Variants in AGTRAP observed in about 807,000 individuals in gnomAD.
AGTRAP encodes type-1 angiotensin II receptor-associated protein.
AGTRAP carries 7 observed loss-of-function variants against 15.2 expected under a neutral mutation model. The ratio of observed to expected loss-of-function variants is 0.46; its 90% CI spans 0.26 to 0.87. The LOEUF is 0.87. Ranked by LOEUF, AGTRAP falls within the 40% of genes least tolerant of loss-of-function variation. The pLI is 0.15. For synonymous variants in AGTRAP, 74 were observed against 89.6 expected (o/e 0.83, Z 0.98); for missense variants, 187 against 213.4 (o/e 0.88, Z 0.77).
chr1:11,738,540 G>A (rs1243174052), intron 1 of AGTRAP, among the ~76,000 whole-genome samples: 3 of 152,092 alleles, frequency 2.0e-5, no homozygotes, highest in African/African-American at 4.8e-5. Context: ...GGGATGGAGG[G>A]CTGAATTCCT....
At chr1:11,742,518 TTTC>T (rs755156854) in intron 1 of AGTRAP, among the ~76,000 whole-genome samples, 8 of 151,902 alleles carry the variant, frequency 5.3e-5, no homozygotes, top group Non-Finnish European at 1.2e-4. Flanking sequence ...TCTCTCTTTC[TTTC>T]TTTTCTTTCT....
chr1:11,747,763 C>G (rs1570347073), intron 3 of AGTRAP, among the ~76,000 whole-genome samples: 1 of 152,238 alleles, frequency 6.6e-6, no homozygotes, highest in African/African-American at 2.4e-5. Flanking sequence ...TAGAGAACCC[C>G]AAGTCTGCCA....
chr1:11,739,797 G>A (rs1485275132), intron 1 of AGTRAP, among the ~76,000 whole-genome samples: 1 of 152,178 alleles, frequency 6.6e-6, no homozygotes, highest in Non-Finnish European at 1.5e-5. Flanking sequence ...CCCCACATAG[G>A]TATTTAACAG....
chr1:11,747,622 C>G (rs944901638), intron 3 of AGTRAP, 77 bp downstream of exon 3: 4 of 1,437,090 alleles, frequency 2.8e-6, no homozygotes, highest in African/African-American at 1.4e-5. Flanking sequence ...TCTGCTACCC[C>G]GTCCCATCCC....
At position 11,736,156 on chromosome 1, in the gene AGTRAP, G is replaced by T. The variant is rs1021405147; in HGVS notation, c.-53G>T. 2 of 1,574,912 alleles carry T rather than the reference G, an allele frequency of 1.3e-6. No individual in the cohort carries two copies. The highest frequency in any genetic ancestry group is 1.7e-6 in the Non-Finnish European group (2 of 1,160,776). On this transcript the variant is annotated 5_prime_UTR_variant, in exon 1 of 5. Transcript: ENST00000314340. Reference sequence around the variant, plus strand: ...CGGGCAAGTTTGTTCCCCGAGTTCGGAGCCTAGGAGCCCCCCGCGGCTGCG... The same window carrying T: ...CGGGCAAGTTTGTTCCCCGAGTTCGTAGCCTAGGAGCCCCCCGCGGCTGCG...
At position 11,747,466 on chromosome 1, in the gene AGTRAP, A is replaced by G. The variant is rs772533948; in HGVS notation, c.89A>G (p.Tyr30Cys). 5.6e-6 allele frequency: 9 copies of G among 1,614,158 alleles called. No individual in the cohort carries two copies. The highest frequency in any genetic ancestry group is 1.7e-5 in the Admixed American group (1 of 60,034). Residue 30 changes from tyrosine (Y) to cysteine (C), a missense_variant, in exon 3 of 5, where the codon TAT (tyrosine) becomes TGT (cysteine). By Grantham distance (194) the Tyr-to-Cys change is radical. Coordinates refer to ENST00000314340, the MANE Select transcript of AGTRAP (RefSeq NM_020350.5). ...TWGCIVFSGS[Y>C]AWANFTILAL... ...GGCTGCATTGTATTCTCAGGCTCCT[A>G]TGCCTGGGCCAACTTCACCATCCTG...
At chr1:11,749,744 C>T (rs1642267345) in intron 4 of AGTRAP, among the ~76,000 whole-genome samples, 1 of 152,214 alleles carries the variant, frequency 6.6e-6, no homozygotes, top group South Asian at 2.1e-4. Context: ...GGGCCAGGAG[C>T]CTGGCTTTGG....
chr1:11,743,895 A>G (rs1229846908), intron 1 of AGTRAP, among the ~76,000 whole-genome samples: 1 of 152,050 alleles, frequency 6.6e-6, no homozygotes, highest in African/African-American at 2.4e-5. Context: ...TGTGCTTTCC[A>G]GTCAGGGCCT....
In AGTRAP at chr1:11,748,942, G is replaced by A. The variant is rs1642244512; in HGVS notation, c.364+332G>A. On this transcript the variant is annotated intron_variant, in intron 4 of 4. Transcript: ENST00000314340. The stretch of plus-strand genomic sequence containing the variant: ...GCCCTGGGCTGTCTCCATCCTGAGG[G>A]CCACGGGCACCTACAGGTCTCCTCT... Among the ~76,000 whole-genome samples, 3 of 152,154 alleles carry A rather than the reference G, an allele frequency of 2.0e-5. No individual in the cohort carries two copies. The South Asian group carries it at 6.2e-4, about 32-fold the overall frequency.
rs542871917 is a variant in AGTRAP at position 11,741,280 on chromosome 1, A to T, written c.28-4523A>T. ...CTCCCAGCCTCCCTGCTGTTCAATCAGGTGCCCTTTCCCTTGCTTTCCTTC... is the reference window on the plus strand; with the variant it reads ...CTCCCAGCCTCCCTGCTGTTCAATCTGGTGCCCTTTCCCTTGCTTTCCTTC... On this transcript the variant is annotated intron_variant, in intron 1 of 4. Coordinates refer to ENST00000314340, the MANE Select transcript of AGTRAP (RefSeq NM_020350.5). Among the ~76,000 whole-genome samples, 122 of 151,910 alleles carry T rather than the reference A, an allele frequency of 8.0e-4. 1 individual carries two copies. Among genetic ancestry groups the T allele is most frequent in the African/African-American group, 2.9e-3 (120 of 41,382 alleles).
At chr1:11,746,290 C>G in intron 2 of AGTRAP, 2 of 1,326,012 alleles carry the variant, frequency 1.5e-6, no homozygotes, top group South Asian at 1.3e-5. Flanking sequence ...ATACAGATTT[C>G]TTAGTCACAC....
Position 11,745,953 on chromosome 1 carries a change from G to C in AGTRAP, c.62+116G>C, listed in dbSNP as rs753601812. ...AGGTCACTTTGGGCCAGACAGCTCT[G>C]CCTCTCCGGGTCTTGATTTCCGTCT... is the stretch of plus-strand genomic sequence containing the variant. On this transcript the variant is annotated intron_variant, in intron 2 of 4. Coordinates refer to ENST00000314340, the MANE Select transcript of AGTRAP (RefSeq NM_020350.5). The surrounding 1 kb of genome is among the most constrained non-coding windows in gnomAD (Gnocchi z 4.2). 5.5e-5 allele frequency: 78 copies of C among 1,420,254 alleles called. No individual in the cohort carries two copies. The highest frequency in any genetic ancestry group is 4.9e-5 in the Non-Finnish European group (49 of 1,004,994). 88.0% of individuals were successfully genotyped at this position (1,420,254 alleles called of 1,614,324 possible).
rs562850963 is a variant in AGTRAP at position 11,748,681 on chromosome 1, T to A, written c.364+71T>A. ...CCTTGCCTGGCCTCCAGCCTCTCCC[T>A]CAGTGAGCCAGCCTTGCCCCATGGG... On this transcript the variant is annotated intron_variant, in intron 4 of 4. Coordinates refer to ENST00000314340, the MANE Select transcript of AGTRAP (RefSeq NM_020350.5). The A allele has an allele frequency of 5.2e-6, 8 of 1,529,804 alleles. No individual in the cohort carries two copies. In the African/African-American group the frequency reaches 6.8e-5, roughly 13 times the overall value. 94.8% of individuals were successfully genotyped at this position (1,529,804 alleles called of 1,614,324 possible). A position where few individuals can be genotyped will look rare whatever the true frequency, so the allele number is the denominator to read the frequency against.
At chr1:11,749,810 G>A (rs945047169) in intron 4 of AGTRAP, among the ~76,000 whole-genome samples, 4 of 151,930 alleles carry the variant, frequency 2.6e-5, no homozygotes, top group African/African-American at 7.3e-5. Context: ...GTGTGATCTC[G>A]GGCAAGTCAC....
Position 11,748,585 on chromosome 1 carries a change from C to CG in AGTRAP, c.344dup (p.Glu116Ter). The CG allele has an allele frequency of 1.2e-6, 2 of 1,609,116 alleles. No individual in the cohort carries two copies. Among genetic ancestry groups the CG allele is most frequent in the Non-Finnish European group, 1.7e-6 (2 of 1,179,958 alleles). On this transcript the variant is annotated frameshift_variant, in exon 4 of 5. Transcript: ENST00000314340. LOFTEE classifies it low-confidence loss of function (END_TRUNC). ...TCGTCTACCACATGTACCGGGAGCG[C>CG]GGGGGTGAGCTCCTGGTCCACACTG... is the stretch of plus-strand genomic sequence containing the variant.
At chr1:11,739,934 A>G (rs1641988627) in intron 1 of AGTRAP, among the ~76,000 whole-genome samples, 1 of 152,196 alleles carries the variant, frequency 6.6e-6, no homozygotes, top group Non-Finnish European at 1.5e-5. Flanking sequence ...TGGCGCCTGG[A>G]CCAGCACCCA....
Position 11,747,452 on chromosome 1 carries a change from A to G in AGTRAP, c.75A>G (p.Val25=). The change falls in exon 3 of 5, where the codon GTA becomes GTG. Residue 25 remains valine, a synonymous_variant. Coordinates refer to ENST00000314340, the MANE Select transcript of AGTRAP (RefSeq NM_020350.5). ...CCTCTTCCTACAGGGGCTGCATTGT[A>G]TTCTCAGGCTCCTATGCCTGGGCCA... The part of the protein sequence containing the change: ...HWLLTTWGCI[V]FSGSYAWANF... 1 of 1,614,070 alleles carries G rather than the reference A, an allele frequency of 6.2e-7. No homozygotes were observed. The highest frequency in any genetic ancestry group is 8.5e-7 in the Non-Finnish European group (1 of 1,179,924).
chr1:11,750,234 G>C lies in AGTRAP; in HGVS notation c.*42G>C. 3.3e-6 allele frequency: 5 copies of C among 1,514,872 alleles called. No individual in the cohort carries two copies. Among genetic ancestry groups the C allele is most frequent in the East Asian group, 4.5e-5 (2 of 44,096 alleles). The allele number at this position is 1,514,872 out of a possible 1,614,324, so 93.8% of individuals were successfully genotyped here. The stretch of plus-strand genomic sequence containing the variant: ...CCCGGCCCTGCCCCGGGCCTTCCTC[G>C]TGCCTGGGAGGTCGTTCTAGGGATG... On this transcript the variant is annotated 3_prime_UTR_variant, in exon 5 of 5. Coordinates refer to ENST00000314340, the MANE Select transcript of AGTRAP (RefSeq NM_020350.5).
intron 4 of AGTRAP, among the ~76,000 whole-genome samples, chr1:11,749,737 C>G (rs1642267120): frequency 6.6e-6 from 1 of 152,192 alleles, no homozygotes; most frequent in Admixed American, 6.5e-5. Flanking sequence ...GGCACAGGGG[C>G]CAGGAGCCTG....
Sources: gnomAD v4.1 joint callset for allele counts (sites outside exome capture counted in the v4.1 genomes callset) on GRCh38, gnomAD v4.1.1 for gene constraint, Gnocchi (gnomAD v3.1) non-coding constraint, MANE v1.5 for transcripts, NCBI Gene and HGNC (gene_info 2026-07-23, HGNC 2026-07-21) for gene names.